PIGU: variants seen among roughly 807,000 people sequenced by gnomAD.
The protein encoded by PIGU is phosphatidylinositol glycan anchor biosynthesis class U, also known as GPI-anchor transamidase component PIGU.
A neutral mutation model predicts 49.9 loss-of-function variants in PIGU; 24 were observed. The observed-to-expected ratio is 0.48, with a 90% CI of 0.35 to 0.68. PIGU has a LOEUF of 0.68. Ranked by LOEUF, PIGU falls within the 30% of genes least tolerant of loss-of-function variation. The probability of loss-of-function intolerance (pLI) is 0.01; values close to 1 mark genes in which losing one functional copy is unlikely to be tolerated. For missense variants in PIGU, 490 were observed against 532.6 expected (o/e 0.92, Z 0.79); for synonymous variants, 220 against 205.7 (o/e 1.07, Z -0.59).
chr20:34,634,594 A>T (rs1443527751), intron 6 of PIGU, 21 bp downstream of exon 6: 1 of 1,610,376 alleles, frequency 6.2e-7, no homozygotes. Context: ...TGACCTTTGT[A>T]CTCTCCTTTC....
intron 1 of PIGU, among the ~76,000 whole-genome samples, chr20:34,672,307 G>A (rs1317111832): frequency 1.3e-5 from 2 of 152,192 alleles, no homozygotes; most frequent in Non-Finnish European, 2.9e-5. Context: ...ATAGGTAACA[G>A]AAAAGATATT....
chr20:34,624,173 C>T (rs1302986435), intron 6 of PIGU, among the ~76,000 whole-genome samples: 1 of 152,010 alleles, frequency 6.6e-6, no homozygotes, highest in African/African-American at 2.4e-5. Context: ...CTCCTGGGCT[C>T]GAGTGATCTG....
intron 1 of PIGU, among the ~76,000 whole-genome samples, chr20:34,658,647 C>T (rs1400451751): frequency 6.6e-6 from 1 of 151,910 alleles, no homozygotes; most frequent in African/African-American, 2.4e-5. Context: ...CAGCCGCGAC[C>T]CCATCTGGGA....
chr20:34,663,695 C>T (rs1020059821), intron 1 of PIGU, among the ~76,000 whole-genome samples: 4 of 152,176 alleles, frequency 2.6e-5, no homozygotes, highest in African/African-American at 7.2e-5. Context: ...AAGGAAATCT[C>T]AAGGAGCTGC....
intron 1 of PIGU, among the ~76,000 whole-genome samples, chr20:34,668,867 CTTTTT>C (rs374136983): frequency 3.1e-4 from 14 of 44,700 alleles, no homozygotes; most frequent in African/African-American, 1.1e-3. Context: ...AATGGTAAAA[CTTTTT>C]TTTTTTTTTT....
intron 5 of PIGU, among the ~76,000 whole-genome samples, chr20:34,637,298 T>C (rs1985998124): frequency 6.6e-6 from 1 of 152,250 alleles, no homozygotes; most frequent in Non-Finnish European, 1.5e-5. Flanking sequence ...GTGGATTGAA[T>C]AATTATTCAC....
intron 7 of PIGU, among the ~76,000 whole-genome samples, chr20:34,597,032 T>C (rs1861331872): frequency 1.3e-5 from 2 of 152,148 alleles, no homozygotes; most frequent in African/African-American, 4.8e-5. Context: ...GACTGTCATA[T>C]TTGGTTGGGG....
chr20:34,611,374 C>T (rs1261595079), intron 7 of PIGU, among the ~76,000 whole-genome samples: 6 of 151,936 alleles, frequency 3.9e-5, no homozygotes, highest in South Asian at 2.1e-4. Flanking sequence ...AGGCCAGGTG[C>T]GGTGGCTTAT....
At chr20:34,631,001 T>C (rs940098781) in intron 6 of PIGU, among the ~76,000 whole-genome samples, 3 of 151,388 alleles carry the variant, frequency 2.0e-5, no homozygotes, top group Non-Finnish European at 4.4e-5. Context: ...GAAAATCATA[T>C]GGAAGAAATC....
At chr20:34,595,674 A>T (rs557566116) in intron 7 of PIGU, among the ~76,000 whole-genome samples, 1 of 152,374 alleles carries the variant, frequency 6.6e-6, no homozygotes, top group Admixed American at 6.5e-5. Flanking sequence ...ATAAACAATT[A>T]AAATCAACCA....
intron 7 of PIGU, among the ~76,000 whole-genome samples, chr20:34,595,288 A>T (rs1043484807): frequency 4.6e-5 from 7 of 152,148 alleles, no homozygotes; most frequent in Admixed American, 3.9e-4. Context: ...TTGTGTCTGT[A>T]CTGAACATGT....
intron 4 of PIGU, 64 bp downstream of exon 4, chr20:34,644,100 G>A: frequency 1.4e-6 from 2 of 1,400,502 alleles, no homozygotes; most frequent in Non-Finnish European, 2.0e-6. Context: ...TAAGATCTTT[G>A]TAATAACAAA....
chr20:34,645,262 G>A lies in PIGU; in HGVS notation c.255+13C>T. The A allele has an allele frequency of 6.4e-7, 1 of 1,550,540 alleles. No individual in the cohort carries two copies. Among genetic ancestry groups the A allele is most frequent in the Non-Finnish European group, 8.6e-7 (1 of 1,156,738 alleles). On this transcript the variant is annotated intron_variant, in intron 3 of 11. Coordinates refer to ENST00000217446, the MANE Select transcript of PIGU (RefSeq NM_080476.5). ...AATATATACATATCAATTTTATATGGAAGGTTACTTACCATAAACACCAAT... is the reference window on the plus strand; with the variant it reads ...AATATATACATATCAATTTTATATGAAAGGTTACTTACCATAAACACCAAT...
intron 1 of PIGU, 55 bp from the exon 2 acceptor site, chr20:34,657,299 A>C: frequency 7.6e-7 from 1 of 1,321,898 alleles, no homozygotes; most frequent in South Asian, 1.2e-5. Flanking sequence ...TACAGACCAA[A>C]TTGTTAGATA....
At chr20:34,624,902 C>A (rs1177815130) in intron 6 of PIGU, among the ~76,000 whole-genome samples, 1 of 152,182 alleles carries the variant, frequency 6.6e-6, no homozygotes, top group Non-Finnish European at 1.5e-5. Context: ...CAGGGGAAAG[C>A]AAGCAGCAAG....
chr20:34,659,238 T>A (rs1986837429), intron 1 of PIGU, among the ~76,000 whole-genome samples: 1 of 97,504 alleles, frequency 1.0e-5, no homozygotes, highest in African/African-American at 4.0e-5. Context: ...AGCCGCCCCG[T>A]CCGGGAGGGA....
chr20:34,602,979 C>T (rs1294908848), intron 7 of PIGU, among the ~76,000 whole-genome samples: 1 of 151,918 alleles, frequency 6.6e-6, no homozygotes, highest in Non-Finnish European at 1.5e-5. Context: ...ATTTTTGATA[C>T]AATTTTTAAG....
intron 10 of PIGU, among the ~76,000 whole-genome samples, chr20:34,578,236 G>A (rs990768077): frequency 2.6e-5 from 4 of 152,138 alleles, no homozygotes; most frequent in African/African-American, 7.2e-5. Context: ...TCAATTCTGG[G>A]TTTTCAAAGA....
rs746452748 is a variant in PIGU, at chr20:34,616,131, A to G, written c.538T>C (p.Phe180Leu). The change falls in exon 7 of 12, where the codon TTC (phenylalanine) becomes CTC (leucine). Residue 180 changes from phenylalanine to leucine, a missense_variant. By Grantham distance (22) the Phe-to-Leu change is conservative. Coordinates refer to ENST00000217446, the MANE Select transcript of PIGU (RefSeq NM_080476.5). ...AAGGCAAGAAAAATAGCACTGAGGA[A>G]AGCACTGCCTGTAAAAAGAAAGAAA... ...FILTTIKGSA[F>L]LSAIFLALAT... is the part of the protein sequence containing the mutation. 3.7e-6 allele frequency: 6 copies of G among 1,612,704 alleles called. No homozygotes were observed. The highest frequency in any genetic ancestry group is 4.2e-6 in the Non-Finnish European group (5 of 1,179,398).
Sources: allele counts gnomAD v4.1 joint callset (sites outside exome capture counted in the v4.1 genomes callset), GRCh38; gene constraint gnomAD v4.1.1; transcripts MANE v1.5; gene names NCBI Gene and HGNC (gene_info 2026-07-23, HGNC 2026-07-21).